Variants in SCPEP1 observed in about 807,000 individuals in gnomAD.
The protein encoded by SCPEP1 is retinoid-inducible serine carboxypeptidase.
Under a neutral mutation model 63.8 loss-of-function variants are expected in SCPEP1, and 51 were observed. The ratio of observed to expected loss-of-function variants is 0.80; its 90% CI spans 0.64 to 1.01. The LOEUF (loss-of-function observed/expected upper bound fraction) is 1.01, where lower values mean the gene tolerates loss of function less well. Among genes scored for constraint, SCPEP1 ranks in the 50% least tolerant of loss-of-function variants. SCPEP1 has a pLI of 0.00. For missense variants in SCPEP1, 499 were observed against 554.9 expected (o/e 0.90, Z 1.01); for synonymous variants, 204 against 207.8 (o/e 0.98, Z 0.16).
chr17:56,993,059 C>T (rs1911446127), intron 6 of SCPEP1, among the ~76,000 whole-genome samples: 2 of 152,094 alleles, frequency 1.3e-5, no homozygotes, highest in Non-Finnish European at 1.5e-5. Context: ...TAATTGCTTG[C>T]TAGGTAGTAG....
chr17:56,981,204 G>T lies in SCPEP1; in HGVS notation c.199G>T (p.Glu67Ter). ...YATNSCKNFS[E>*]LPLVMWLQGG... ...CACCAACTCCTGCAAGAACTTCTCA[G>T]AACTGCCCCTGGTCATGTGGCTTCA... Residue 67 changes from glutamate (E) to a stop codon, truncating the protein, a stop_gained, in exon 2 of 13, where the codon GAA becomes TAA. Coordinates refer to ENST00000262288, the MANE Select transcript of SCPEP1 (RefSeq NM_021626.3). LOFTEE classifies it high-confidence loss of function. 6.2e-7 allele frequency: 1 copy of T among 1,614,184 alleles called. No homozygotes were observed. The highest frequency in any genetic ancestry group is 8.5e-7 in the Non-Finnish European group (1 of 1,180,038).
rs1410309370 is a variant in SCPEP1 at position 57,002,131 on chromosome 17, A to C, written c.1246A>C (p.Lys416Gln). The C allele has an allele frequency of 1.2e-6, 2 of 1,614,186 alleles. No homozygotes were observed. Among genetic ancestry groups the C allele is most frequent in the Admixed American group, 3.3e-5 (2 of 60,016 alleles). The change falls in exon 12 of 13, where the codon AAG (lysine) becomes CAG (glutamine). Residue 416 changes from lysine to glutamine, a missense_variant. Physicochemically the swap from Lys to Gln is moderately conservative, Grantham distance 53. Coordinates refer to ENST00000262288, the MANE Select transcript of SCPEP1 (RefSeq NM_021626.3). ...PKSLETSAFVKSYKNLAFYWI... is the reference protein window; with the variant it reads ...PKSLETSAFVQSYKNLAFYWI... ...ATCTTTGGAAACATCTGCTTTTGTC[A>C]AGTCCTACAAGAACCTTGCTTTCTA...
chr17:56,985,033 A>G, intron 2 of SCPEP1: 1 of 272,550 alleles, frequency 3.7e-6, no homozygotes. Flanking sequence ...TGAACCCCAG[A>G]GGTAGAAGCT....
Position 57,003,445 on chromosome 17 carries a change from A to C in SCPEP1, c.1296+1264A>C, listed in dbSNP as rs140854449. On this transcript the variant is annotated intron_variant, in intron 12 of 12. Coordinates refer to ENST00000262288, the MANE Select transcript of SCPEP1 (RefSeq NM_021626.3). ...AGGAGGAAAGTAGATGGATTTGGTG[A>C]AGTGTAAAGAAGGGAAAATTGGCAG... Among the ~76,000 whole-genome samples, 3 of 152,298 alleles carry C rather than the reference A, an allele frequency of 2.0e-5. No individual in the cohort carries two copies. In the East Asian group the frequency reaches 5.8e-4, roughly 29 times the overall value.
chr17:56,986,274 CA>C (rs1181200078), intron 3 of SCPEP1, among the ~76,000 whole-genome samples: 1 of 151,196 alleles, frequency 6.6e-6, no homozygotes, highest in Non-Finnish European at 1.5e-5. Context: ...GGCTAGAGTG[CA>C]GTGGCACGAT....
At chr17:56,994,903 A>G (rs1023395817) in intron 6 of SCPEP1, 78 bp from the exon 7 acceptor site, 5 of 1,288,960 alleles carry the variant, frequency 3.9e-6, no homozygotes, top group Non-Finnish European at 4.5e-6. Context: ...TTTCTTCTTT[A>G]GAGAGAAGAC....
intron 2 of SCPEP1, chr17:56,982,671 T>A (rs574865821): frequency 6.6e-6 from 1 of 152,260 alleles, no homozygotes; most frequent in South Asian, 2.1e-4. Flanking sequence ...TACTTCCTCC[T>A]CTGGGCCTTG....
intron 2 of SCPEP1, 39 bp downstream of exon 2, chr17:56,981,269 A>G: frequency 6.2e-7 from 1 of 1,611,918 alleles, no homozygotes; most frequent in East Asian, 2.2e-5. Flanking sequence ...GTCAAAGCCA[A>G]GTCTCCTCTG....
At chr17:56,987,574 A>C in intron 3 of SCPEP1, 121 bp from the exon 4 acceptor site, 1 of 828,428 alleles carries the variant, frequency 1.2e-6, no homozygotes. Flanking sequence ...CAACAGGGAT[A>C]TCATCACCAC....
At chr17:56,978,993 T>G (rs2214565) in intron 1 of SCPEP1, among the ~76,000 whole-genome samples, 116,762 of 152,218 alleles carry the variant, frequency 0.77, 45,564 homozygotes, top group East Asian at 0.99. Context: ...GGTCAAAAGG[T>G]ACCTGCGCCT....
At chr17:56,999,375 G>C (rs867729962) in intron 10 of SCPEP1, among the ~76,000 whole-genome samples, 2 of 152,154 alleles carry the variant, frequency 1.3e-5, no homozygotes, top group African/African-American at 4.8e-5. Flanking sequence ...TAGAAATCTT[G>C]GTTAAGTTCC....
chr17:56,998,879 A>G (rs953685147), intron 10 of SCPEP1, among the ~76,000 whole-genome samples: 7 of 152,100 alleles, frequency 4.6e-5, no homozygotes, highest in African/African-American at 1.7e-4. Flanking sequence ...GCTTGAACCC[A>G]GGAGTTTGAG....
At chr17:57,001,938 A>T (rs1911749585) in intron 11 of SCPEP1, 80 bp from the exon 12 acceptor site, 1 of 1,464,060 alleles carries the variant, frequency 6.8e-7, no homozygotes, top group South Asian at 1.3e-5. Context: ...TTTGGGAAGC[A>T]CCAACTTTTA....
chr17:56,988,611 A>G lies in SCPEP1; in HGVS notation c.546+321A>G, dbSNP rs568018835. Among the ~76,000 whole-genome samples, 56 of 151,898 alleles carry G rather than the reference A, an allele frequency of 3.7e-4. 1 individual carries two copies. Among genetic ancestry groups the G allele is most frequent in the African/African-American group, 1.3e-3 (56 of 41,502 alleles). On this transcript the variant is annotated intron_variant, in intron 5 of 12. Transcript: ENST00000262288. ...TATGTGTATCATATATTTGTATTTT[A>G]TATAAATATATATGATCATATATAA...
At chr17:56,998,265 C>A (rs545485243) in intron 9 of SCPEP1, 120 bp from the exon 10 acceptor site, 18 of 630,404 alleles carry the variant, frequency 2.9e-5, no homozygotes, top group Non-Finnish European at 4.4e-5. Flanking sequence ...GAGCCGAGAT[C>A]GTGCCACTGC....
chr17:56,985,593 G>T, intron 3 of SCPEP1, 126 bp downstream of exon 3: 1 of 709,558 alleles, frequency 1.4e-6, no homozygotes, highest in East Asian at 2.6e-5. Flanking sequence ...TGACTACTGA[G>T]GCCATGGGCA....
intron 3 of SCPEP1, chr17:56,987,236 T>A (rs979389435): frequency 6.5e-6 from 1 of 153,212 alleles, no homozygotes; most frequent in African/African-American, 2.4e-5. Context: ...ATTCTGCTCT[T>A]GCAGTGTACA....
chr17:56,978,855 T>G lies in SCPEP1; in HGVS notation c.76+620T>G, dbSNP rs369882280. 5.9e-5 allele frequency among the ~76,000 whole-genome samples: 9 copies of G among 152,284 alleles called. 1 individual carries two copies. The highest frequency in any genetic ancestry group is 1.9e-4 in the East Asian group (1 of 5,186). ...ACCTTAGGCAAGTTGTTGAACAGTT[T>G]TGTTTTCCTTTTCTAAAATGGGGAT... On this transcript the variant is annotated intron_variant, in intron 1 of 12. Coordinates refer to ENST00000262288, the MANE Select transcript of SCPEP1 (RefSeq NM_021626.3).
intron 1 of SCPEP1, 76 bp downstream of exon 1, chr17:56,978,311 T>C: frequency 4.9e-6 from 7 of 1,435,004 alleles, no homozygotes; most frequent in Non-Finnish European, 6.4e-6. Flanking sequence ...ACTGGGTTTG[T>C]GCTTTTGAAA....
Sources: gnomAD v4.1 joint callset for allele counts (sites outside exome capture counted in the v4.1 genomes callset) on GRCh38, gnomAD v4.1.1 for gene constraint, MANE v1.5 for transcripts, NCBI Gene and HGNC (gene_info 2026-07-23, HGNC 2026-07-21) for gene names.